Variants in RBFOX1 observed in about 807,000 individuals in gnomAD.
RBFOX1 encodes the protein RNA binding fox-1 homolog 1.
In RBFOX1, 8 loss-of-function variants were observed where a neutral mutation model predicts 57.7. The observed-to-expected ratio is 0.14, with a 90% CI of 0.08 to 0.25. The LOEUF is 0.25. RBFOX1 is among the 10% of genes least tolerant of loss of function. The probability of loss-of-function intolerance (pLI) is 1.00; values close to 1 mark genes in which losing one functional copy is unlikely to be tolerated. For missense variants in RBFOX1, 611 were observed against 548.5 expected, an observed-to-expected ratio of 1.11 and a Z score of -1.14; for synonymous variants, 326 against 222.4, an observed-to-expected ratio of 1.47 and a Z score of -4.15.
At chr16:5,578,599 T>C (rs978674893) in intron 2 of RBFOX1, among the ~76,000 whole-genome samples, 1 of 152,170 alleles carries the variant, frequency 6.6e-6, no homozygotes, top group South Asian at 2.1e-4. Flanking sequence ...ACTCCTGGCA[T>C]GGGAGAAAAA....
intron 1 of RBFOX1, among the ~76,000 whole-genome samples, chr16:5,347,994 CCCATCCAT>C (rs977412632): frequency 1.4e-5 from 2 of 146,478 alleles, no homozygotes; most frequent in African/African-American, 5.1e-5. Context: ...CATCTACCTG[CCCATCCAT>C]CCATCCATCC....
intron 4 of RBFOX1, among the ~76,000 whole-genome samples, chr16:5,992,698 C>G (rs1311770815): frequency 6.6e-6 from 1 of 152,146 alleles, no homozygotes; most frequent in Non-Finnish European, 1.5e-5. Context: ...CTTTGGGAGG[C>G]CAAGGTGGGT....
intron 4 of RBFOX1, among the ~76,000 whole-genome samples, chr16:7,287,366 T>TG (rs1247685314): frequency 6.6e-6 from 1 of 152,180 alleles, no homozygotes; most frequent in Non-Finnish European, 1.5e-5. Context: ...TAGGATTCCA[T>TG]GGAGAGCAGC....
chr16:6,818,802 C>T (rs977158719), intron 3 of RBFOX1, among the ~76,000 whole-genome samples: 8 of 152,194 alleles, frequency 5.3e-5, no homozygotes, highest in African/African-American at 9.6e-5. Flanking sequence ...TTTCATCCTC[C>T]TGGCCTCCCT....
At chr16:6,459,588 G>C (rs906291029) in intron 2 of RBFOX1, among the ~76,000 whole-genome samples, 2 of 151,994 alleles carry the variant, frequency 1.3e-5, no homozygotes, top group South Asian at 4.2e-4. Flanking sequence ...TCATGCTTCT[G>C]ATATCTTTAA....
At chr16:7,363,272 T>C (rs2097365758) in intron 4 of RBFOX1, among the ~76,000 whole-genome samples, 1 of 152,172 alleles carries the variant, frequency 6.6e-6, no homozygotes, top group East Asian at 1.9e-4. Context: ...AACCTCCAGA[T>C]AAACCTGTCA....
At chr16:7,046,669 G>T (rs2048076820) in intron 3 of RBFOX1, among the ~76,000 whole-genome samples, 1 of 128,106 alleles carries the variant, frequency 7.8e-6, no homozygotes, top group African/African-American at 3.0e-5. Context: ...GCAATGGCAT[G>T]ATCTCGGCTC....
At chr16:6,540,949 G>T (rs1341757718) in intron 2 of RBFOX1, among the ~76,000 whole-genome samples, 1 of 152,106 alleles carries the variant, frequency 6.6e-6, no homozygotes, top group Admixed American at 6.6e-5. Flanking sequence ...GCTATCAGAG[G>T]AAATTCCTGC....
chr16:6,336,069 T>C (rs1396551469), intron 2 of RBFOX1, among the ~76,000 whole-genome samples: 3 of 146,154 alleles, frequency 2.1e-5, no homozygotes, highest in Non-Finnish European at 1.5e-5. Context: ...GTTTCCTCTT[T>C]TGGTAAATGG....
chr16:6,441,375 C>G (rs1003888943), intron 2 of RBFOX1, among the ~76,000 whole-genome samples: 4 of 152,086 alleles, frequency 2.6e-5, no homozygotes, highest in Non-Finnish European at 5.9e-5. Flanking sequence ...GACTGCTTGT[C>G]AGCTTCGTTT....
At chr16:6,847,046 A>G (rs753491718) in intron 3 of RBFOX1, among the ~76,000 whole-genome samples, 4 of 152,036 alleles carry the variant, frequency 2.6e-5, no homozygotes, top group Non-Finnish European at 5.9e-5. Flanking sequence ...AAATAGATTC[A>G]TTTCTGCCTC....
chr16:7,268,994 G>A (rs745341065), intron 4 of RBFOX1, among the ~76,000 whole-genome samples: 9 of 128,940 alleles, frequency 7.0e-5, no homozygotes, highest in African/African-American at 1.5e-4. Flanking sequence ...CCGAGATCAC[G>A]CCAGTGCACT....
chr16:6,466,468 G>A (rs570037783), intron 2 of RBFOX1, among the ~76,000 whole-genome samples: 1 of 152,216 alleles, frequency 6.6e-6, no homozygotes, highest in East Asian at 1.9e-4. Context: ...ATGTTCAGGA[G>A]GATTTAAATA....
intron 1 of RBFOX1, among the ~76,000 whole-genome samples, chr16:5,353,228 A>G (rs2065303933): frequency 6.6e-6 from 1 of 152,056 alleles, no homozygotes; most frequent in African/African-American, 2.4e-5. Flanking sequence ...AAATACAAAA[A>G]TTAGCCAGGT....
intron 2 of RBFOX1, among the ~76,000 whole-genome samples, chr16:5,593,921 T>C (rs2047095598): frequency 6.6e-6 from 1 of 152,154 alleles, no homozygotes; most frequent in African/African-American, 2.4e-5. Context: ...CCATTTGTCT[T>C]ACACAACCTT....
intron 4 of RBFOX1, among the ~76,000 whole-genome samples, chr16:7,349,720 T>C (rs1027363927): frequency 6.6e-6 from 1 of 152,146 alleles, no homozygotes; most frequent in African/African-American, 2.4e-5. Context: ...AAATATTTAT[T>C]CAACATTCAG....
chr16:5,372,467 TAAG>T (rs1257253695), intron 1 of RBFOX1, among the ~76,000 whole-genome samples: 14 of 151,862 alleles, frequency 9.2e-5, no homozygotes, highest in African/African-American at 3.1e-4. Context: ...AATAAGTAAA[TAAG>T]AAGAAGATGA....
intron 3 of RBFOX1, among the ~76,000 whole-genome samples, chr16:6,842,601 A>C (rs2093539735): frequency 6.7e-6 from 1 of 148,830 alleles, no homozygotes; most frequent in African/African-American, 2.5e-5. Flanking sequence ...TAATTTATGT[A>C]TCCAGTTTCC....
At chr16:6,550,429 G>T (rs563737425) in intron 2 of RBFOX1, among the ~76,000 whole-genome samples, 64 of 152,254 alleles carry the variant, frequency 4.2e-4, no homozygotes, top group Middle Eastern at 3.4e-3. Flanking sequence ...GGCCTCAAGT[G>T]ATCTGTTCAC....
Sources: allele counts gnomAD v4.1 joint callset (sites outside exome capture counted in the v4.1 genomes callset), GRCh38; gene constraint gnomAD v4.1.1; transcripts MANE v1.5; gene names NCBI Gene and HGNC (gene_info 2026-07-23, HGNC 2026-07-21).